The following STARD9 variants were observed in gnomAD, a reference collection of about 807,000 sequenced individuals.
STARD9 encodes the protein StAR related lipid transfer domain containing 9, also known as stAR-related lipid transfer protein 9.
A neutral mutation model predicts 399.8 loss-of-function variants in STARD9; 346 were observed. That is an observed-to-expected ratio of 0.87 (90% CI 0.79 to 0.95). The LOEUF is 0.95. STARD9 is among the 40% of genes least tolerant of loss of function. STARD9 has a pLI of 0.00. For missense variants in STARD9, 5,832 were observed against 5,667.5 expected (o/e 1.03, Z -0.93); for synonymous variants, 2,203 against 2,143.5 (o/e 1.03, Z -0.77).
intron 16 of STARD9, chr15:42,669,889 A>G (rs1000182591): frequency 6.6e-6 from 1 of 152,016 alleles, no homozygotes; most frequent in African/African-American, 2.4e-5. Flanking sequence ...CACCTCTACT[A>G]AAAATACAAA....
chr15:42,626,018 T>C (rs2141874597), intron 3 of STARD9, among the ~76,000 whole-genome samples: 1 of 151,904 alleles, frequency 6.6e-6, no homozygotes, highest in East Asian at 1.9e-4. Context: ...GCCTCCTAAG[T>C]TCGAGTTATT....
intron 8 of STARD9, 59 bp downstream of exon 8, chr15:42,651,144 C>T: frequency 1.6e-6 from 2 of 1,276,974 alleles, no homozygotes; most frequent in Middle Eastern, 1.9e-4. Context: ...CCTGTGTTCC[C>T]ATTTCCCTTT....
intron 25 of STARD9, 86 bp from the exon 26 acceptor site, chr15:42,695,657 A>G (rs2060826930): frequency 4.1e-5 from 58 of 1,426,518 alleles, no homozygotes; most frequent in Non-Finnish European, 5.2e-5. Context: ...TGAGCAGGGA[A>G]GGGGTGGCTT....
At position 42,688,514 on chromosome 15, in the gene STARD9, T is replaced by G. The variant is rs1048166210; in HGVS notation, c.6936T>G (p.Thr2312=). The G allele has an allele frequency of 2.8e-5, 43 of 1,537,798 alleles. No homozygotes were observed. The highest frequency in any genetic ancestry group is 2.2e-4 in the Admixed American group (11 of 50,994). Residue 2312 remains threonine, a synonymous_variant, in exon 23 of 33, where the codon ACT becomes ACG. Coordinates refer to ENST00000290607, the MANE Select transcript of STARD9 (RefSeq NM_020759.3). ...GGGACACGTTTTTCAGGCAGGAAACTGTCAGCCCATTACTAAGCCGGACAG... is the reference window on the plus strand; with the variant it reads ...GGGACACGTTTTTCAGGCAGGAAACGGTCAGCCCATTACTAAGCCGGACAG... ...LCRDTFFRQE[T]VSPLLSRTEF...
intron 20 of STARD9, 58 bp from the exon 21 acceptor site, chr15:42,681,364 T>G: frequency 6.7e-7 from 1 of 1,492,952 alleles, no homozygotes; most frequent in Non-Finnish European, 8.9e-7. Context: ...CTGCTATCAG[T>G]TTGTCCTGAG....
chr15:42,632,731 A>G (rs1227293688), intron 3 of STARD9, among the ~76,000 whole-genome samples: 4 of 152,156 alleles, frequency 2.6e-5, no homozygotes, highest in Non-Finnish European at 4.4e-5. Context: ...AATCCTAGCT[A>G]CTCAAGAGGC....
At chr15:42,623,220 C>A (rs1436203384) in intron 3 of STARD9, among the ~76,000 whole-genome samples, 2 of 152,006 alleles carry the variant, frequency 1.3e-5, no homozygotes, top group Non-Finnish European at 2.9e-5. Flanking sequence ...CCATTGCACT[C>A]CAGCCTGGGC....
intron 9 of STARD9, among the ~76,000 whole-genome samples, chr15:42,653,502 CAA>C (rs1377237793): frequency 6.6e-6 from 1 of 152,182 alleles, no homozygotes; most frequent in East Asian, 1.9e-4. Context: ...TGTTGAAAGA[CAA>C]AGAGAAAATC....
chr15:42,655,936 A>G (rs892471015), intron 9 of STARD9, among the ~76,000 whole-genome samples: 1 of 152,230 alleles, frequency 6.6e-6, no homozygotes, highest in Non-Finnish European at 1.5e-5. Context: ...ACAGTTCTCA[A>G]AAGAAGATAT....
At position 42,663,862 on chromosome 15, in the gene STARD9, C is replaced by G; in HGVS notation, c.1121C>G (p.Thr374Arg). ...AHTSYSETMSTLRYASSAKNI... is the reference protein window; with the variant it reads ...AHTSYSETMSRLRYASSAKNI... The stretch of plus-strand genomic sequence containing the variant: ...ACTAGCTACAGTGAGACCATGAGCA[C>G]ACTGAGATATGCATCCAGTGCCAAA... Residue 374 changes from threonine (T) to arginine (R), a missense_variant, in exon 13 of 33, where the codon ACA (threonine) becomes AGA (arginine). Transcript: ENST00000290607. The G allele has an allele frequency of 6.5e-7, 1 of 1,537,172 alleles. No individual in the cohort carries two copies. The highest frequency in any genetic ancestry group is 2.4e-5 in the East Asian group (1 of 40,928).
chr15:42,685,988 C>A lies in STARD9; in HGVS notation c.4410C>A (p.Ala1470=). Reference sequence around the variant, plus strand: ...TATCAAACGTGCTGGCTGCCTCTGCCACCACCTTGACTCATGTAGGCAGCA... The same window carrying A: ...TATCAAACGTGCTGGCTGCCTCTGCAACCACCTTGACTCATGTAGGCAGCA... The part of the protein sequence containing the change: ...SSVSNVLAAS[A]TTLTHVGSTH... Residue 1470 remains alanine, a synonymous_variant, in exon 23 of 33, where the codon GCC becomes GCA. Coordinates refer to ENST00000290607, the MANE Select transcript of STARD9 (RefSeq NM_020759.3). 2 of 1,537,296 alleles carry A rather than the reference C, an allele frequency of 1.3e-6. No homozygotes were observed. Among genetic ancestry groups the A allele is most frequent in the South Asian group, 2.4e-5 (2 of 84,056 alleles).
At chr15:42,588,830 G>A (rs1209855164) in intron 3 of STARD9, among the ~76,000 whole-genome samples, 1 of 112,362 alleles carries the variant, frequency 8.9e-6, no homozygotes, top group Non-Finnish European at 1.7e-5. Context: ...TGGGGGGTGG[G>A]GGTGTGTGGA....
chr15:42,595,312 T>C (rs1217631680), intron 3 of STARD9, among the ~76,000 whole-genome samples: 2 of 152,180 alleles, frequency 1.3e-5, no homozygotes, highest in Non-Finnish European at 2.9e-5. Flanking sequence ...ATTTGTTGCA[T>C]TATTGCTTAA....
chr15:42,682,608 G>A (rs192863692), intron 22 of STARD9, 33 bp downstream of exon 22: 13 of 1,484,082 alleles, frequency 8.8e-6, no homozygotes, highest in African/African-American at 8.4e-5. Context: ...GGAAGCACTC[G>A]GTTAAAGTTT....
chr15:42,690,262 C>A lies in STARD9; in HGVS notation c.8684C>A (p.Ser2895Tyr). 6.5e-7 allele frequency: 1 copy of A among 1,537,406 alleles called. No homozygotes were observed. Among genetic ancestry groups the A allele is most frequent in the Admixed American group, 2.0e-5 (1 of 51,002 alleles). The change falls in exon 23 of 33, where the codon TCC becomes TAC. Residue 2895 changes from serine (S) to tyrosine (Y), a missense_variant. Physicochemically the swap from Ser to Tyr is moderately radical, Grantham distance 144. Around this residue, in one of 2 missense-constraint regions of STARD9, gnomAD observed 5,828 missense variants for 5,651.1 expected, o/e 1.03. Transcript: ENST00000290607. ...GTCTGCAGGGCTGGCAGCAAACATT[C>A]CAGGCCAATTCCACTGCCAGATCAA... ...TEVCRAGSKH[S>Y]RPIPLPDQRP...
Position 42,686,894 on chromosome 15 carries a change from C to T in STARD9, c.5316C>T (p.Pro1772=), listed in dbSNP as rs2140243915. 2.6e-6 allele frequency: 4 copies of T among 1,536,860 alleles called. No homozygotes were observed. The highest frequency in any genetic ancestry group is 3.5e-6 in the Non-Finnish European group (4 of 1,146,850). ...CAGCTTGCAGAGAAGTAAGGGTACC[C>T]TCCCCACCCCCCAGGGAAGCCTGGG... is the stretch of plus-strand genomic sequence containing the variant. ...EIPACREVRV[P]SPPPREAWGF... Residue 1772 remains proline, a synonymous_variant, in exon 23 of 33, where the codon CCC becomes CCT. Coordinates refer to ENST00000290607, the MANE Select transcript of STARD9 (RefSeq NM_020759.3).
intron 3 of STARD9, among the ~76,000 whole-genome samples, chr15:42,626,437 C>A (rs1008822077): frequency 2.0e-5 from 3 of 151,072 alleles, no homozygotes; most frequent in Admixed American, 6.6e-5. Flanking sequence ...TCTTCTTCTT[C>A]CTTCTCCTCC....
At chr15:42,695,645 G>A (rs2060826792) in intron 25 of STARD9, 98 bp from the exon 26 acceptor site, 5 of 1,370,744 alleles carry the variant, frequency 3.6e-6, no homozygotes, top group East Asian at 2.5e-5. Context: ...GAGCAGTAGA[G>A]GTGAGCAGGG....
At position 42,718,428 on chromosome 15, in the gene STARD9, C is replaced by G; in HGVS notation, c.13763-7C>G. ...CCTCCTGACCTTCCTTATCCCTGTCCCTCCAGTGTACTTGGTGTGCAACAC... is the reference window on the plus strand; with the variant it reads ...CCTCCTGACCTTCCTTATCCCTGTCGCTCCAGTGTACTTGGTGTGCAACAC... On this transcript the variant is annotated splice_region_variant and splice_polypyrimidine_tract_variant and intron_variant, in intron 30 of 32. Transcript: ENST00000290607. 6.5e-7 allele frequency: 1 copy of G among 1,536,000 alleles called. No individual in the cohort carries two copies. The highest frequency in any genetic ancestry group is 8.7e-7 in the Non-Finnish European group (1 of 1,145,868).
Sources: allele counts gnomAD v4.1 joint callset (sites outside exome capture counted in the v4.1 genomes callset), GRCh38; gene constraint gnomAD v4.1.1; regional missense constraint gnomAD v4.1.1; transcripts MANE v1.5; gene names NCBI Gene and HGNC (gene_info 2026-07-23, HGNC 2026-07-21).